ERBB4: variants seen among roughly 807,000 people sequenced by gnomAD.
ERBB4 encodes receptor tyrosine-protein kinase erbB-4.
Under a neutral mutation model 158.0 loss-of-function variants are expected in ERBB4, and 42 were observed. The observed-to-expected ratio is 0.27, with a 90% CI of 0.21 to 0.34. ERBB4 has a LOEUF of 0.34. Ranked by LOEUF, ERBB4 falls within the 10% of genes least tolerant of loss-of-function variation. The probability of loss-of-function intolerance (pLI) is 1.00; values close to 1 mark genes in which losing one functional copy is unlikely to be tolerated. For missense variants in ERBB4, 1,333 were observed against 1,624.1 expected (o/e 0.82, Z 3.08); for synonymous variants, 583 against 558.7 (o/e 1.04, Z -0.61).
At chr2:211,913,756 T>C (rs2079607348) in intron 3 of ERBB4, among the ~76,000 whole-genome samples, 1 of 151,290 alleles carries the variant, frequency 6.6e-6, no homozygotes, top group Admixed American at 6.6e-5. Flanking sequence ...TCTTATTATT[T>C]GAAAAATGAA....
At chr2:211,635,728 G>A (rs1355669056) in intron 16 of ERBB4, among the ~76,000 whole-genome samples, 3 of 152,020 alleles carry the variant, frequency 2.0e-5, no homozygotes, top group Non-Finnish European at 2.9e-5. Flanking sequence ...AGGAACAATA[G>A]TATTTTCTTA....
intron 19 of ERBB4, among the ~76,000 whole-genome samples, chr2:211,576,309 C>G (rs753068571): frequency 2.6e-5 from 4 of 152,040 alleles, no homozygotes; most frequent in African/African-American, 9.7e-5. Context: ...AAAAGGAGTA[C>G]CTCATAAAGA....
intron 16 of ERBB4, among the ~76,000 whole-genome samples, chr2:211,649,661 T>C (rs1029673906): frequency 2.0e-5 from 3 of 151,910 alleles, no homozygotes; most frequent in Non-Finnish European, 4.4e-5. Flanking sequence ...TTTACTCTAC[T>C]AAAAGTAACT....
chr2:211,597,899 T>A (rs2068686279), intron 19 of ERBB4, among the ~76,000 whole-genome samples: 1 of 152,174 alleles, frequency 6.6e-6, no homozygotes, highest in African/African-American at 2.4e-5. Flanking sequence ...AGATTATATC[T>A]TTGTATGTTA....
At chr2:212,405,237 A>C (rs1430896485) in intron 1 of ERBB4, among the ~76,000 whole-genome samples, 6 of 152,106 alleles carry the variant, frequency 3.9e-5, no homozygotes, top group African/African-American at 1.4e-4. Flanking sequence ...ATATGAAAAA[A>C]AATTTGATAT....
chr2:211,527,399 A>G (rs78427823), intron 20 of ERBB4, among the ~76,000 whole-genome samples: 5,252 of 152,214 alleles, frequency 0.035, 296 homozygotes, highest in African/African-American at 0.12. Context: ...CAGACAAACA[A>G]AAGCTGAAAA....
rs192010759 is a variant in ERBB4 at position 212,520,658 on chromosome 2, G to A, written c.82+17791C>T. Among the ~76,000 whole-genome samples, 57 of 152,028 alleles carry A rather than the reference G, an allele frequency of 3.7e-4. No individual in the cohort carries two copies. The East Asian group carries it at 6.2e-3, about 16-fold the overall frequency. On this transcript the variant is annotated intron_variant, in intron 1 of 27. Coordinates refer to ENST00000342788, the MANE Select transcript of ERBB4 (RefSeq NM_005235.3). ...ATTTGTTCTTATCTTTTGCAAAAAT[G>A]AAGAATTCACAGCATCCTTGAAAAA...
chr2:211,426,297 T>G (rs1280721305), intron 22 of ERBB4, among the ~76,000 whole-genome samples: 2 of 152,198 alleles, frequency 1.3e-5, no homozygotes, highest in African/African-American at 4.8e-5. Context: ...TTGCAATTCC[T>G]TTATCTTAAG....
intron 3 of ERBB4, among the ~76,000 whole-genome samples, chr2:211,906,562 T>G (rs1043471852): frequency 6.8e-6 from 1 of 147,662 alleles, no homozygotes; most frequent in African/African-American, 2.4e-5. Flanking sequence ...TAAATATCTT[T>G]TATCAGGTTC....
chr2:212,360,170 A>AC (rs1692625393), intron 1 of ERBB4, among the ~76,000 whole-genome samples: 1 of 151,494 alleles, frequency 6.6e-6, no homozygotes, highest in Non-Finnish European at 1.5e-5. Context: ...ATCCACAATG[A>AC]CCTACTATTC....
chr2:211,970,850 T>A (rs1206371389), intron 2 of ERBB4, among the ~76,000 whole-genome samples: 1 of 152,192 alleles, frequency 6.6e-6, no homozygotes, highest in Non-Finnish European at 1.5e-5. Flanking sequence ...TCTGTGTCAT[T>A]TAATTGGGGC....
intron 27 of ERBB4, among the ~76,000 whole-genome samples, chr2:211,384,636 A>T (rs2062646534): frequency 1.3e-5 from 2 of 152,104 alleles, no homozygotes; most frequent in African/African-American, 2.4e-5. Context: ...GCATCAAAGG[A>T]AAAAAATTCA....
At chr2:212,316,715 T>TA (rs1220426025) in intron 1 of ERBB4, among the ~76,000 whole-genome samples, 6 of 151,174 alleles carry the variant, frequency 4.0e-5, no homozygotes, top group East Asian at 2.0e-4. Context: ...AGCATCTTCC[T>TA]AAAAAAAATG....
chr2:211,379,170 A>G lies in ERBB4; in HGVS notation c.*4445T>C, dbSNP rs1260464817. Reference sequence around the variant, plus strand: ...GCAAGAGGGCATAGTGAGAAAAGAAAGGACATATCACCAATTAACTGTATT... The same window carrying G: ...GCAAGAGGGCATAGTGAGAAAAGAAGGGACATATCACCAATTAACTGTATT... On this transcript the variant is annotated 3_prime_UTR_variant, in exon 28 of 28. Transcript: ENST00000342788. 4.3e-6 allele frequency: 1 copy of G among 230,484 alleles called. No individual in the cohort carries two copies. The allele number at this position is 230,484 out of a possible 1,614,324, so 14.3% of individuals were successfully genotyped here.
At chr2:211,784,096 T>C (rs1024785686) in intron 4 of ERBB4, among the ~76,000 whole-genome samples, 1 of 152,108 alleles carries the variant, frequency 6.6e-6, no homozygotes, top group African/African-American at 2.4e-5. Context: ...TTATTCATAA[T>C]TACAGTTAAA....
chr2:211,853,174 G>A (rs1205691558), intron 3 of ERBB4, among the ~76,000 whole-genome samples: 2 of 151,942 alleles, frequency 1.3e-5, no homozygotes, highest in African/African-American at 4.8e-5. Context: ...ATGGTTTTAG[G>A]CTGGAAATAG....
At chr2:212,303,865 A>G (rs905688898) in intron 1 of ERBB4, among the ~76,000 whole-genome samples, 1 of 151,552 alleles carries the variant, frequency 6.6e-6, no homozygotes, top group Non-Finnish European at 1.5e-5. Context: ...GGGAAGAAGA[A>G]ATATCTTTTG....
intron 3 of ERBB4, among the ~76,000 whole-genome samples, chr2:211,830,364 G>A (rs1337906683): frequency 1.3e-5 from 2 of 152,156 alleles, no homozygotes; most frequent in African/African-American, 2.4e-5. Context: ...TAAATTTGAG[G>A]AGCCTACTCT....
chr2:212,198,992 G>A (rs754738710), intron 1 of ERBB4, among the ~76,000 whole-genome samples: 55 of 151,808 alleles, frequency 3.6e-4, no homozygotes, highest in Non-Finnish European at 4.0e-4. Flanking sequence ...ATATCTGTTC[G>A]AGTCTCCACT....
Sources: gnomAD v4.1 joint callset for allele counts (sites outside exome capture counted in the v4.1 genomes callset) on GRCh38, gnomAD v4.1.1 for gene constraint, MANE v1.5 for transcripts, NCBI Gene and HGNC (gene_info 2026-07-23, HGNC 2026-07-21) for gene names.